Variants in MCTP1 observed in about 807,000 individuals in gnomAD.
MCTP1 encodes multiple C2 and transmembrane domain-containing protein 1.
In MCTP1, 69 loss-of-function variants were observed where a neutral mutation model predicts 120.6. The ratio of observed to expected loss-of-function variants is 0.57; its 90% CI spans 0.47 to 0.70. MCTP1 has a LOEUF of 0.70. MCTP1 is among the 30% of genes least tolerant of loss of function. The pLI, the probability that MCTP1 is intolerant of heterozygous loss-of-function variation, is 0.00. For missense variants in MCTP1, 1,203 were observed against 1,248.8 expected, an observed-to-expected ratio of 0.96 and a Z score of 0.55; for synonymous variants, 529 against 493.1, an observed-to-expected ratio of 1.07 and a Z score of -0.96.
At chr5:95,053,290 T>C (rs1291328352) in intron 1 of MCTP1, among the ~76,000 whole-genome samples, 1 of 152,190 alleles carries the variant, frequency 6.6e-6, no homozygotes, top group Non-Finnish European at 1.5e-5. Flanking sequence ...CTCAGTCCTA[T>C]AAAATCATGC....
At chr5:94,995,845 C>T (rs1581749196) in intron 2 of MCTP1, among the ~76,000 whole-genome samples, 1 of 152,196 alleles carries the variant, frequency 6.6e-6, no homozygotes, top group Admixed American at 6.5e-5. Flanking sequence ...TGATAGAGTT[C>T]TAGTTAATAG....
chr5:95,257,258 G>T (rs1229078700), intron 1 of MCTP1, among the ~76,000 whole-genome samples: 1 of 152,126 alleles, frequency 6.6e-6, no homozygotes, highest in East Asian at 1.9e-4. Flanking sequence ...ATGAGAGCTT[G>T]TGGGATACAG....
chr5:95,170,888 T>C (rs1037115231), intron 1 of MCTP1, among the ~76,000 whole-genome samples: 1 of 152,228 alleles, frequency 6.6e-6, no homozygotes, highest in African/African-American at 2.4e-5. Context: ...TGTCTTTTAA[T>C]TGGAGCATTT....
At chr5:94,817,712 A>G (rs1214947129) in intron 17 of MCTP1, among the ~76,000 whole-genome samples, 1 of 152,254 alleles carries the variant, frequency 6.6e-6, no homozygotes, top group Non-Finnish European at 1.5e-5. Flanking sequence ...ATGTTTTACC[A>G]AAGATCGTGG....
chr5:94,708,900 TAGA>T (rs1755708430), intron 21 of MCTP1: 3 of 218,146 alleles, frequency 1.4e-5, no homozygotes, highest in Admixed American at 5.3e-5. Flanking sequence ...ACAGTCTACT[TAGA>T]AGCCTTGCTT....
chr5:95,172,380 T>C (rs1261148144), intron 1 of MCTP1, among the ~76,000 whole-genome samples: 1 of 152,202 alleles, frequency 6.6e-6, no homozygotes, highest in African/African-American at 2.4e-5. Context: ...AGGCAGTCTG[T>C]CCGTTCTCAG....
intron 1 of MCTP1, among the ~76,000 whole-genome samples, chr5:95,120,192 A>AAAAAG (rs1758121591): frequency 6.6e-6 from 1 of 150,682 alleles, no homozygotes; most frequent in Non-Finnish European, 1.5e-5. Context: ...AAAAAAAAAA[A>AAAAAG]AGTCTCCCAG....
intron 1 of MCTP1, among the ~76,000 whole-genome samples, chr5:95,126,517 T>C (rs1758646594): frequency 2.0e-5 from 3 of 152,330 alleles, no homozygotes; most frequent in South Asian, 4.1e-4. Flanking sequence ...CATTCCCAAA[T>C]ATAATTTCCA....
chr5:95,075,606 TA>T (rs1387896982), intron 1 of MCTP1, among the ~76,000 whole-genome samples: 4 of 152,182 alleles, frequency 2.6e-5, no homozygotes, highest in Admixed American at 1.3e-4. Flanking sequence ...GTCTGATATA[TA>T]AAAAAACACC....
intron 17 of MCTP1, among the ~76,000 whole-genome samples, chr5:94,801,162 A>G (rs1781157086): frequency 6.6e-6 from 1 of 152,180 alleles, no homozygotes; most frequent in South Asian, 2.1e-4. Flanking sequence ...CAGTCACTAG[A>G]ATATAAGCTC....
chr5:95,279,389 T>C (rs1439398106), intron 1 of MCTP1, among the ~76,000 whole-genome samples: 4 of 152,212 alleles, frequency 2.6e-5, no homozygotes, highest in East Asian at 1.9e-4. Flanking sequence ...TTTCCATTGC[T>C]GTATAAAATT....
intron 17 of MCTP1, among the ~76,000 whole-genome samples, chr5:94,799,916 C>G (rs1213950584): frequency 1.3e-5 from 2 of 152,114 alleles, no homozygotes; most frequent in Non-Finnish European, 2.9e-5. Context: ...CTCACCCCCA[C>G]CCGACACCAG....
intron 2 of MCTP1, among the ~76,000 whole-genome samples, chr5:94,982,479 C>A (rs149618420): frequency 6.6e-6 from 1 of 152,136 alleles, no homozygotes; most frequent in African/African-American, 2.4e-5. Flanking sequence ...CTAAAATGTA[C>A]CCCCAAGATT....
At chr5:94,922,219 T>C (rs1399172558) in intron 7 of MCTP1, among the ~76,000 whole-genome samples, 1 of 152,192 alleles carries the variant, frequency 6.6e-6, no homozygotes, top group African/African-American at 2.4e-5. Context: ...ATCAAAGAGT[T>C]CAAGAGATTG....
chr5:95,221,566 A>G (rs1323001593), intron 1 of MCTP1, among the ~76,000 whole-genome samples: 3 of 152,248 alleles, frequency 2.0e-5, no homozygotes, highest in Non-Finnish European at 4.4e-5. Flanking sequence ...AATAAAGCAG[A>G]CTGACATCAC....
chr5:95,208,599 A>T (rs1192271977), intron 1 of MCTP1, among the ~76,000 whole-genome samples: 1 of 152,124 alleles, frequency 6.6e-6, no homozygotes, highest in African/African-American at 2.4e-5. Flanking sequence ...ATGAGCAGGA[A>T]CATACAAGCA....
At chr5:95,267,308 T>G (rs913641261) in intron 1 of MCTP1, among the ~76,000 whole-genome samples, 5 of 152,162 alleles carry the variant, frequency 3.3e-5, no homozygotes, top group Non-Finnish European at 7.4e-5. Context: ...TGAAAATGTA[T>G]TTTTTTATAA....
chr5:94,865,801 C>T (rs1016063555), intron 17 of MCTP1, among the ~76,000 whole-genome samples: 1 of 151,888 alleles, frequency 6.6e-6, no homozygotes, highest in Non-Finnish European at 1.5e-5. Context: ...GGGCAAGCTA[C>T]TTAACCTTTC....
intron 12 of MCTP1, among the ~76,000 whole-genome samples, chr5:94,881,136 G>A (rs1186664910): frequency 6.6e-6 from 1 of 152,096 alleles, no homozygotes; most frequent in African/African-American, 2.4e-5. Context: ...TCTTGCCTAA[G>A]ACTTGATATT....
Sources: allele counts gnomAD v4.1 joint callset (sites outside exome capture counted in the v4.1 genomes callset), GRCh38; gene constraint gnomAD v4.1.1; transcripts MANE v1.5; gene names NCBI Gene and HGNC (gene_info 2026-07-23, HGNC 2026-07-21).